Variants in TNS3 observed in about 807,000 individuals in gnomAD.
The protein encoded by TNS3 is tensin 3.
A neutral mutation model predicts 140.9 loss-of-function variants in TNS3; 45 were observed. The observed-to-expected ratio is 0.32, with a 90% CI of 0.25 to 0.41. TNS3 has a LOEUF of 0.41. Ranked by LOEUF, TNS3 falls within the 10% of genes least tolerant of loss-of-function variation. The probability of loss-of-function intolerance (pLI) is 1.00; values close to 1 mark genes in which losing one functional copy is unlikely to be tolerated. For synonymous variants in TNS3, 815 were observed against 788.4 expected (o/e 1.03, Z -0.56); for missense variants, 1,716 against 1,906.7 (o/e 0.90, Z 1.86).
Position 47,550,930 on chromosome 7 carries a change from A to G in TNS3, c.-264-21783T>C, listed in dbSNP as rs576931067. Reference sequence around the variant, plus strand: ...AAACAGTCTTACCCCACTCCTGAGGAGTCATGCCACCCCAAAGAGACAGAA... The same window carrying G: ...AAACAGTCTTACCCCACTCCTGAGGGGTCATGCCACCCCAAAGAGACAGAA... On this transcript the variant is annotated intron_variant, in intron 1 of 30. Transcript: ENST00000311160. Among the ~76,000 whole-genome samples the G allele has an allele frequency of 2.2e-4, 34 of 152,316 alleles. 1 individual carries two copies. The East Asian group carries it at 5.8e-3, about 26-fold the overall frequency.
intron 27 of TNS3, among the ~76,000 whole-genome samples, chr7:47,285,303 T>A (rs1356596986): frequency 1.3e-5 from 2 of 152,212 alleles, no homozygotes; most frequent in Non-Finnish European, 2.9e-5. Flanking sequence ...TTTGGCTCTG[T>A]CCCCACCCAA....
chr7:47,411,057 T>A (rs947248660), intron 13 of TNS3, among the ~76,000 whole-genome samples: 1 of 152,188 alleles, frequency 6.6e-6, no homozygotes, highest in African/African-American at 2.4e-5. Flanking sequence ...TACATAAATA[T>A]TCTATTTCTG....
chr7:47,334,335 A>G (rs1788503134), intron 20 of TNS3, among the ~76,000 whole-genome samples: 1 of 152,192 alleles, frequency 6.6e-6, no homozygotes, highest in Non-Finnish European at 1.5e-5. Context: ...CAAAATATAT[A>G]AAGGCATCCT....
At chr7:47,421,549 A>G (rs1177915742) in intron 10 of TNS3, among the ~76,000 whole-genome samples, 1 of 152,036 alleles carries the variant, frequency 6.6e-6, no homozygotes, top group Non-Finnish European at 1.5e-5. Flanking sequence ...TCGGGATTAC[A>G]GGTTAGAGTC....
At chr7:47,423,190 G>A (rs574498618) in intron 10 of TNS3, among the ~76,000 whole-genome samples, 6 of 152,202 alleles carry the variant, frequency 3.9e-5, no homozygotes, top group Non-Finnish European at 8.8e-5. Context: ...ACACAAGGTC[G>A]GGTGTGCAAC....
chr7:47,324,843 T>C (rs182632973), intron 20 of TNS3, among the ~76,000 whole-genome samples: 7 of 152,190 alleles, frequency 4.6e-5, no homozygotes, highest in Admixed American at 4.6e-4. Context: ...AAGAAAAAAA[T>C]AGTGTCTTTT....
At chr7:47,568,755 G>C (rs546373293) in intron 1 of TNS3, among the ~76,000 whole-genome samples, 1 of 152,220 alleles carries the variant, frequency 6.6e-6, no homozygotes, top group Non-Finnish European at 1.5e-5. Flanking sequence ...CGGCAGATGT[G>C]GGGGAGTCGT....
intron 18 of TNS3, among the ~76,000 whole-genome samples, chr7:47,345,943 T>C (rs982826360): frequency 2.6e-5 from 4 of 152,222 alleles, no homozygotes; most frequent in Admixed American, 1.3e-4. Context: ...CTCACCAGCA[T>C]AGCTATCTCT....
Position 47,322,539 on chromosome 7 carries a change from A to C in TNS3, c.2651-17536T>G, listed in dbSNP as rs574482490. Among the ~76,000 whole-genome samples the C allele has an allele frequency of 5.8e-4, 87 of 151,068 alleles. 1 individual carries two copies. Among genetic ancestry groups the C allele is most frequent in the East Asian group, 2.0e-3 (10 of 5,108 alleles). On this transcript the variant is annotated intron_variant, in intron 20 of 30. Coordinates refer to ENST00000311160, the MANE Select transcript of TNS3 (RefSeq NM_022748.12). ...TCCGTATCAAACAAACAAACAAACA[A>C]ACACACACACACACACAATCAAAAA...
At chr7:47,338,713 G>C (rs1050525611) in intron 20 of TNS3, among the ~76,000 whole-genome samples, 1 of 152,132 alleles carries the variant, frequency 6.6e-6, no homozygotes, top group Non-Finnish European at 1.5e-5. Flanking sequence ...TGGTGTATAT[G>C]TCCCACATTT....
intron 4 of TNS3, 127 bp downstream of exon 4, chr7:47,480,976 A>C: frequency 1.7e-6 from 1 of 573,982 alleles, no homozygotes; most frequent in Non-Finnish European, 2.8e-6. Context: ...AATGCAAGCT[A>C]CAGGTCAAAG....
At chr7:47,360,064 C>A (rs1790228143) in intron 17 of TNS3, among the ~76,000 whole-genome samples, 1 of 152,196 alleles carries the variant, frequency 6.6e-6, no homozygotes, top group African/African-American at 2.4e-5. Context: ...AAAGCTTCAT[C>A]AACTCTAAAA....
intron 3 of TNS3, among the ~76,000 whole-genome samples, chr7:47,484,069 C>A (rs965142220): frequency 2.6e-5 from 4 of 152,238 alleles, no homozygotes; most frequent in African/African-American, 9.6e-5. Flanking sequence ...CAGCCTTGCC[C>A]TGAGCCTCCA....
intron 1 of TNS3, among the ~76,000 whole-genome samples, chr7:47,565,173 G>A (rs1017372092): frequency 4.0e-5 from 6 of 151,842 alleles, no homozygotes; most frequent in Non-Finnish European, 8.8e-5. Flanking sequence ...CGCCTCCTGG[G>A]TTCACACCAT....
intron 2 of TNS3, among the ~76,000 whole-genome samples, chr7:47,524,719 G>A (rs988516821): frequency 4.1e-5 from 6 of 147,938 alleles, no homozygotes; most frequent in Admixed American, 6.7e-5. Context: ...GGAGAATGGC[G>A]TGAACCCGGG....
At chr7:47,378,425 G>C (rs1398461508) in intron 16 of TNS3, among the ~76,000 whole-genome samples, 1 of 152,102 alleles carries the variant, frequency 6.6e-6, no homozygotes, top group East Asian at 1.9e-4. Context: ...GTCATTTTTT[G>C]ATATGACTGA....
At chr7:47,341,177 T>G (rs1243673689) in intron 20 of TNS3, among the ~76,000 whole-genome samples, 23 of 152,220 alleles carry the variant, frequency 1.5e-4, no homozygotes, top group Non-Finnish European at 2.5e-4. Flanking sequence ...TATCTGAATC[T>G]GCGAGGGATA....
At chr7:47,313,999 C>T (rs781332348) in intron 20 of TNS3, among the ~76,000 whole-genome samples, 1 of 152,286 alleles carries the variant, frequency 6.6e-6, no homozygotes, top group Non-Finnish European at 1.5e-5. Context: ...CATGTTTATC[C>T]CAAGGACTTC....
At chr7:47,553,482 C>G (rs1800114356) in intron 1 of TNS3, among the ~76,000 whole-genome samples, 1 of 152,198 alleles carries the variant, frequency 6.6e-6, no homozygotes, top group African/African-American at 2.4e-5. Context: ...AAGAATTATG[C>G]AAAATCTATC....
Sources: gnomAD v4.1 joint callset for allele counts (sites outside exome capture counted in the v4.1 genomes callset) on GRCh38, gnomAD v4.1.1 for gene constraint, MANE v1.5 for transcripts, NCBI Gene and HGNC (gene_info 2026-07-23, HGNC 2026-07-21) for gene names.